Variants in HMMR observed in about 807,000 individuals in gnomAD.
HMMR encodes the protein intracellular hyaluronic acid-binding protein.
Under a neutral mutation model 101.0 loss-of-function variants are expected in HMMR, and 108 were observed. That is an observed-to-expected ratio of 1.07 (90% CI 0.92 to 1.25). The LOEUF (loss-of-function observed/expected upper bound fraction) is 1.25, where lower values mean the gene tolerates loss of function less well. Among genes scored for constraint, HMMR ranks in the 50% most tolerant of loss-of-function variants. The pLI is 0.00. For synonymous variants in HMMR, 296 were observed against 276.4 expected, an observed-to-expected ratio of 1.07 and a Z score of -0.70; for missense variants, 813 against 788.7, an observed-to-expected ratio of 1.03 and a Z score of -0.37.
chr5:163,491,329 A>AT lies in HMMR; in HGVS notation c.*171dup. 2.0e-6 allele frequency: 1 copy of AT among 503,850 alleles called. No individual in the cohort carries two copies. Among genetic ancestry groups the AT allele is most frequent in the Non-Finnish European group, 3.5e-6 (1 of 287,466 alleles). 31.2% of individuals were successfully genotyped at this position (503,850 alleles called of 1,614,324 possible). A position where few individuals can be genotyped will look rare whatever the true frequency, so the allele number is the denominator to read the frequency against. ...TTACCAAAGTGTCTTTTGACATTTT[A>AT]TTTTTTCTTGCAAATACCTCCTCCC... On this transcript the variant is annotated 3_prime_UTR_variant, in exon 18 of 18. Coordinates refer to ENST00000393915, the MANE Select transcript of HMMR (RefSeq NM_001142556.2).
At chr5:163,475,170 C>A (rs778580217) in intron 10 of HMMR, among the ~76,000 whole-genome samples, 29 of 151,692 alleles carry the variant, frequency 1.9e-4, no homozygotes, top group Non-Finnish European at 4.1e-4. Flanking sequence ...ATGTTAATAT[C>A]AAAGCCAGTT....
intron 16 of HMMR, among the ~76,000 whole-genome samples, chr5:163,487,706 T>C (rs1470774091): frequency 6.6e-6 from 1 of 152,142 alleles, no homozygotes; most frequent in Admixed American, 6.5e-5. Context: ...TAATTGTTCA[T>C]AGTATTCCTT....
intron 13 of HMMR, 80 bp downstream of exon 13, chr5:163,482,868 G>A (rs2113505648): frequency 7.0e-7 from 1 of 1,418,800 alleles, no homozygotes; most frequent in South Asian, 1.3e-5. Flanking sequence ...CCCTTGGCTT[G>A]CTTTTGGCCA....
chr5:163,469,654 T>C lies in HMMR; in HGVS notation c.287T>C (p.Leu96Pro), dbSNP rs1294224324. The change falls in exon 5 of 18, where the codon CTA (leucine) becomes CCA (proline). Residue 96 changes from leucine to proline, a missense_variant. Leu to Pro is a moderately conservative substitution (Grantham distance 98). Transcript: ENST00000393915. Reference sequence around the variant, plus strand: ...GTTTTTGTCCAGATTCGTGTTCTTCTACAGGAACGTGGTGCCCAGGACAGG... The same window carrying C: ...GTTTTTGTCCAGATTCGTGTTCTTCCACAGGAACGTGGTGCCCAGGACAGG... ...KILEKEIRVL[L>P]QERGAQDRRI... is the part of the protein sequence containing the mutation. 1 of 1,611,732 alleles carries C rather than the reference T, an allele frequency of 6.2e-7. No individual in the cohort carries two copies. The highest frequency in any genetic ancestry group is 8.5e-7 in the Non-Finnish European group (1 of 1,179,356).
chr5:163,480,012 T>C (rs1284397653), intron 12 of HMMR, among the ~76,000 whole-genome samples: 1 of 152,252 alleles, frequency 6.6e-6, no homozygotes, highest in Non-Finnish European at 1.5e-5. Context: ...GTTTCCTTTC[T>C]TTTATTTAAT....
intron 11 of HMMR, among the ~76,000 whole-genome samples, chr5:163,477,121 T>C (rs952800840): frequency 2.0e-5 from 3 of 152,232 alleles, no homozygotes; most frequent in South Asian, 4.1e-4. Flanking sequence ...TCCCATACAC[T>C]TATTTATTTC....
chr5:163,464,514 G>T (rs1212783139), intron 2 of HMMR, among the ~76,000 whole-genome samples: 3 of 152,126 alleles, frequency 2.0e-5, no homozygotes, highest in Non-Finnish European at 4.4e-5. Context: ...TACTAGGGAG[G>T]AAAGTGGGAG....
chr5:163,477,542 C>T (rs1759109781), intron 11 of HMMR, among the ~76,000 whole-genome samples: 3 of 152,140 alleles, frequency 2.0e-5, no homozygotes, highest in Non-Finnish European at 4.4e-5. Flanking sequence ...TTCTATACTA[C>T]AGCCAATCTC....
At chr5:163,475,901 G>A (rs1759054801) in intron 11 of HMMR, among the ~76,000 whole-genome samples, 1 of 152,016 alleles carries the variant, frequency 6.6e-6, no homozygotes. Context: ...AAAAGTTAAA[G>A]GTTTTGCCCC....
chr5:163,477,414 G>GTTATT (rs1759103849), intron 11 of HMMR, among the ~76,000 whole-genome samples: 1 of 151,982 alleles, frequency 6.6e-6, no homozygotes, highest in African/African-American at 2.4e-5. Flanking sequence ...CTGTCTCAGT[G>GTTATT]GATACTTTTG....
At chr5:163,476,550 T>C (rs1759075801) in intron 11 of HMMR, among the ~76,000 whole-genome samples, 1 of 151,992 alleles carries the variant, frequency 6.6e-6, no homozygotes, top group Non-Finnish European at 1.5e-5. Context: ...TGGGAGGATC[T>C]TTAGAGCCCA....
intron 16 of HMMR, 115 bp from the exon 17 acceptor site, chr5:163,490,275 C>T (rs1759643545): frequency 3.2e-6 from 2 of 625,910 alleles, no homozygotes; most frequent in East Asian, 2.9e-5. Flanking sequence ...GTGATTTTTG[C>T]TGTTGAGTGT....
chr5:163,461,600 G>A (rs1295588154), intron 1 of HMMR, among the ~76,000 whole-genome samples: 1 of 151,980 alleles, frequency 6.6e-6, no homozygotes. Flanking sequence ...CGAGACCACC[G>A]TGAAACCCCG....
In HMMR at chr5:163,490,376, T is replaced by C; in HGVS notation, c.1963-14T>C. On this transcript the variant is annotated splice_polypyrimidine_tract_variant and intron_variant, in intron 16 of 17. Coordinates refer to ENST00000393915, the MANE Select transcript of HMMR (RefSeq NM_001142556.2). ...TTAATAATTGTTTATTACCTATTATTTCTTTTTACCTAGGAAGTATCAAAA... is the reference window on the plus strand; with the variant it reads ...TTAATAATTGTTTATTACCTATTATCTCTTTTTACCTAGGAAGTATCAAAA... 3.3e-6 allele frequency: 5 copies of C among 1,516,778 alleles called. No individual in the cohort carries two copies. Among genetic ancestry groups the C allele is most frequent in the Non-Finnish European group, 4.5e-6 (5 of 1,116,952 alleles). The allele number at this position is 1,516,778 out of a possible 1,614,324, so 94.0% of individuals were successfully genotyped here.
chr5:163,482,608 AAAACTACTTTG>A, intron 12 of HMMR, 23 bp from the exon 13 acceptor site: 1 of 1,513,414 alleles, frequency 6.6e-7, no homozygotes, highest in African/African-American at 1.4e-5. Flanking sequence ...CAATAGTTAG[AAAACTACTTTG>A]ACTTTTTTTT....
intron 1 of HMMR, among the ~76,000 whole-genome samples, chr5:163,462,827 CAAAAAAAAAAAA>C (rs72118799): frequency 5.7e-5 from 4 of 70,722 alleles, no homozygotes; most frequent in Admixed American, 1.7e-4. Context: ...GACTCCGTCT[CAAAAAAAAAAAA>C]AAAAAAAAAA....
intron 12 of HMMR, among the ~76,000 whole-genome samples, chr5:163,482,197 A>G (rs1759291512): frequency 6.6e-6 from 1 of 152,130 alleles, no homozygotes; most frequent in Non-Finnish European, 1.5e-5. Flanking sequence ...GATTACAGGC[A>G]TGAGCCACCA....
intron 1 of HMMR, among the ~76,000 whole-genome samples, 172 bp from the exon 2 acceptor site, chr5:163,463,684 T>C (rs1758610530): frequency 6.6e-6 from 1 of 152,238 alleles, no homozygotes. Flanking sequence ...GATGATATTG[T>C]TCTTCATAGA....
At chr5:163,463,256 G>A (rs1758597764) in intron 1 of HMMR, among the ~76,000 whole-genome samples, 1 of 152,192 alleles carries the variant, frequency 6.6e-6, no homozygotes, top group Non-Finnish European at 1.5e-5. Context: ...CAGGATTCTT[G>A]TGAGGATTAA....
Sources: allele counts gnomAD v4.1 joint callset (sites outside exome capture counted in the v4.1 genomes callset), GRCh38; gene constraint gnomAD v4.1.1; transcripts MANE v1.5; gene names NCBI Gene and HGNC (gene_info 2026-07-23, HGNC 2026-07-21).